Variants in NRG3 observed in about 807,000 individuals in gnomAD.
The protein encoded by NRG3 is neuregulin 3.
NRG3 carries 31 observed loss-of-function variants against 66.9 expected under a neutral mutation model. The observed-to-expected ratio is 0.46, with a 90% confidence interval of 0.35 to 0.63. NRG3 has a LOEUF of 0.63. Among genes scored for constraint, NRG3 ranks in the 20% least tolerant of loss-of-function variants. The pLI, the probability that NRG3 is intolerant of heterozygous loss-of-function variation, is 0.00. For missense variants in NRG3, 910 were observed against 878.9 expected, an observed-to-expected ratio of 1.04 and a Z score of -0.45; for synonymous variants, 393 against 359.4, an observed-to-expected ratio of 1.09 and a Z score of -1.06.
At chr10:82,784,829 A>G (rs2060276372) in intron 3 of NRG3, among the ~76,000 whole-genome samples, 1 of 152,098 alleles carries the variant, frequency 6.6e-6, no homozygotes, top group African/African-American at 2.4e-5. Flanking sequence ...TGGAAATACC[A>G]TTTGACCCAG....
At chr10:82,359,527 A>G (rs1192670041) in intron 2 of NRG3, among the ~76,000 whole-genome samples, 1 of 152,228 alleles carries the variant, frequency 6.6e-6, no homozygotes, top group East Asian at 1.9e-4. Flanking sequence ...AGGTTATGTA[A>G]CTGCTAAAAA....
At chr10:82,113,264 A>G (rs1463403614) in intron 1 of NRG3, among the ~76,000 whole-genome samples, 1 of 152,154 alleles carries the variant, frequency 6.6e-6, no homozygotes, top group African/African-American at 2.4e-5. Flanking sequence ...CTAAGGGCAG[A>G]AATGTCAAAT....
chr10:82,723,845 T>C (rs542936659), intron 2 of NRG3, among the ~76,000 whole-genome samples: 1 of 152,062 alleles, frequency 6.6e-6, no homozygotes, highest in African/African-American at 2.4e-5. Context: ...CCAGGCATGG[T>C]GGCACACACC....
intron 1 of NRG3, among the ~76,000 whole-genome samples, chr10:82,221,269 GAA>G (rs35476455): frequency 7.2e-5 from 10 of 139,778 alleles, no homozygotes; most frequent in Admixed American, 2.1e-4. Flanking sequence ...AGAGAAAGAG[GAA>G]AAAAAAAAAA....
chr10:82,788,054 G>C (rs995526812), intron 3 of NRG3, among the ~76,000 whole-genome samples: 3 of 152,174 alleles, frequency 2.0e-5, no homozygotes, highest in Non-Finnish European at 4.4e-5. Context: ...TTTGAAAGCT[G>C]CTCAATTAAA....
intron 2 of NRG3, among the ~76,000 whole-genome samples, chr10:82,491,316 A>ATATATATATATATATACATATATATAT (rs1389375279): frequency 4.4e-5 from 6 of 136,800 alleles, no homozygotes; most frequent in South Asian, 4.9e-4. Flanking sequence ...ATATATATAT[A>ATATATATATATATATACATATATATAT]AAATAAAGAT....
At chr10:82,192,997 G>A (rs2152594) in intron 1 of NRG3, among the ~76,000 whole-genome samples, 10 of 122,966 alleles carry the variant, frequency 8.1e-5, no homozygotes, top group African/African-American at 1.3e-4. Flanking sequence ...GAGAGAGAGA[G>A]TTTGTGAGGT....
chr10:81,915,750 A>T (rs999634610), intron 1 of NRG3, among the ~76,000 whole-genome samples: 1 of 152,096 alleles, frequency 6.6e-6, no homozygotes, highest in African/African-American at 2.4e-5. Context: ...CTCGATGAGA[A>T]TGCAGGTTTA....
At chr10:82,834,506 T>G (rs2062682893) in intron 3 of NRG3, among the ~76,000 whole-genome samples, 1 of 152,098 alleles carries the variant, frequency 6.6e-6, no homozygotes, top group South Asian at 2.1e-4. Flanking sequence ...CGGCCAACAA[T>G]CATTTGGCAT....
chr10:82,620,552 T>C (rs1220318200), intron 2 of NRG3, among the ~76,000 whole-genome samples: 3 of 152,080 alleles, frequency 2.0e-5, no homozygotes, highest in Admixed American at 6.6e-5. Flanking sequence ...GTCAAGCTGC[T>C]TCTCTCTCTC....
chr10:82,275,647 C>A (rs1348712758), intron 1 of NRG3, among the ~76,000 whole-genome samples: 1 of 151,636 alleles, frequency 6.6e-6, no homozygotes. Flanking sequence ...AATGATTTCC[C>A]TATTGTTTGG....
intron 2 of NRG3, among the ~76,000 whole-genome samples, chr10:82,493,297 C>T (rs954363512): frequency 1.8e-4 from 28 of 152,068 alleles, no homozygotes; most frequent in African/African-American, 6.3e-4. Flanking sequence ...AACCCCCTAA[C>T]AGGCCCCAGT....
At chr10:82,862,444 T>G (rs1016531265) in intron 3 of NRG3, among the ~76,000 whole-genome samples, 1 of 152,194 alleles carries the variant, frequency 6.6e-6, no homozygotes, top group Admixed American at 6.5e-5. Flanking sequence ...GATGGAGATT[T>G]TATATGCTAA....
chr10:82,939,019 G>A (rs1261053436), intron 4 of NRG3, among the ~76,000 whole-genome samples: 1 of 152,198 alleles, frequency 6.6e-6, no homozygotes, highest in Non-Finnish European at 1.5e-5. Flanking sequence ...CTCACTGGTA[G>A]ATATAACTTG....
At chr10:82,692,486 T>C (rs2055015604) in intron 2 of NRG3, among the ~76,000 whole-genome samples, 1 of 152,080 alleles carries the variant, frequency 6.6e-6, no homozygotes. Context: ...TGCAGACACA[T>C]TGAAGGGTGA....
At chr10:82,942,644 T>C (rs1013400687) in intron 4 of NRG3, among the ~76,000 whole-genome samples, 12 of 152,242 alleles carry the variant, frequency 7.9e-5, no homozygotes, top group Admixed American at 7.2e-4. Flanking sequence ...CAGCCTGGCC[T>C]GAGCCTTGCC....
chr10:82,124,412 T>C (rs996277216), intron 1 of NRG3, among the ~76,000 whole-genome samples: 1 of 152,062 alleles, frequency 6.6e-6, no homozygotes, highest in African/African-American at 2.4e-5. Context: ...TCCCAAAATA[T>C]ATACTTTTTA....
At chr10:82,887,119 G>A (rs1488362450) in intron 4 of NRG3, among the ~76,000 whole-genome samples, 1 of 152,310 alleles carries the variant, frequency 6.6e-6, no homozygotes, top group Non-Finnish European at 1.5e-5. Flanking sequence ...ACGCTGTCAT[G>A]GCCTTGTTAT....
chr10:82,911,311 A>G (rs1371667871), intron 4 of NRG3, among the ~76,000 whole-genome samples: 2 of 152,078 alleles, frequency 1.3e-5, no homozygotes, highest in Non-Finnish European at 2.9e-5. Flanking sequence ...AAAAATCTAA[A>G]ATTTTAATTT....
Sources: gnomAD v4.1 joint callset for allele counts (sites outside exome capture counted in the v4.1 genomes callset) on GRCh38, gnomAD v4.1.1 for gene constraint, MANE v1.5 for transcripts, NCBI Gene and HGNC (gene_info 2026-07-23, HGNC 2026-07-21) for gene names.